The following LAIR2 variants were observed in gnomAD, a reference collection of about 807,000 sequenced individuals.
LAIR2 encodes leukocyte associated immunoglobulin like receptor 2.
In LAIR2, 14 loss-of-function variants were observed where a neutral mutation model predicts 14.8. The ratio of observed to expected loss-of-function variants is 0.95; its 90% CI spans 0.62 to 1.48. The LOEUF (loss-of-function observed/expected upper bound fraction) is 1.48, where lower values mean the gene tolerates loss of function less well. Among genes scored for constraint, LAIR2 ranks in the 40% most tolerant of loss-of-function variants. The pLI is 0.00. For synonymous variants in LAIR2, 75 were observed against 74.5 expected, an observed-to-expected ratio of 1.01 and a Z score of -0.03; for missense variants, 172 against 180.9, an observed-to-expected ratio of 0.95 and a Z score of 0.28.
At position 54,502,971 on chromosome 19, in the gene LAIR2, G is replaced by C. The variant is rs775366718; in HGVS notation, c.34+19G>C. The C allele has an allele frequency of 7.3e-5, 117 of 1,606,636 alleles. No individual in the cohort carries two copies. Among genetic ancestry groups the C allele is most frequent in the South Asian group, 2.9e-4 (26 of 90,372 alleles). On this transcript the variant is annotated intron_variant, in intron 1 of 4. Transcript: ENST00000301202. Reference sequence around the variant, plus strand: ...GGCCTAGGTGAGTCCTGGAGGGAGCGGGAAGGACTGGAAAGGGGGTCGGGA... The same window carrying C: ...GGCCTAGGTGAGTCCTGGAGGGAGCCGGAAGGACTGGAAAGGGGGTCGGGA...
In LAIR2 at chr19:54,508,451, T is replaced by C. The variant is rs538907438; in HGVS notation, c.364+267T>C. Among the ~76,000 whole-genome samples the C allele has an allele frequency of 1.2e-3, 176 of 152,336 alleles. 2 individuals carry two copies. The highest frequency in any genetic ancestry group is 4.1e-3 in the African/African-American group (172 of 41,584). On this transcript the variant is annotated intron_variant, in intron 3 of 4. Transcript: ENST00000301202. ...AGCATTGGGTTGGCTCAGAGCTGGC[T>C]CTGCTTGGCTGGGTGGGGAGTGGGT...
chr19:54,509,885 G>A (rs1295074443), intron 4 of LAIR2, among the ~76,000 whole-genome samples: 1 of 150,992 alleles, frequency 6.6e-6, no homozygotes, highest in Non-Finnish European at 1.5e-5. Flanking sequence ...GGAGGACACG[G>A]GGTCATAAGC....
intron 1 of LAIR2, 128 bp downstream of exon 1, chr19:54,503,080 C>T: frequency 1.2e-6 from 1 of 860,428 alleles, no homozygotes; most frequent in Non-Finnish European, 1.9e-6. Flanking sequence ...CAAGACTGCC[C>T]TACTGCTCTC....
At chr19:54,507,180 C>G (rs990628731) in intron 2 of LAIR2, among the ~76,000 whole-genome samples, 2 of 151,024 alleles carry the variant, frequency 1.3e-5, no homozygotes, top group Non-Finnish European at 3.0e-5. Flanking sequence ...CCCGCCCTTC[C>G]TCCTCCACCC....
chr19:54,503,886 C>T, intron 2 of LAIR2, 151 bp downstream of exon 2: 1 of 926,636 alleles, frequency 1.1e-6, no homozygotes, highest in Admixed American at 2.5e-5. Flanking sequence ...AATGCATAAC[C>T]CTCACCCCTT....
chr19:54,503,070 C>T (rs2085304263), intron 1 of LAIR2, 118 bp downstream of exon 1: 1 of 935,160 alleles, frequency 1.1e-6, no homozygotes, highest in Non-Finnish European at 1.7e-6. Flanking sequence ...CTCCTCCCCC[C>T]AAGACTGCCC....
chr19:54,502,843 AG>A lies in LAIR2; in HGVS notation c.-75del. Reference sequence around the variant, plus strand: ...TCTTGTGTGAGGCAGTTGCTGTGGAAGCCCCACGGGCAGGAGGCCCCCGGCC... The same window carrying A: ...TCTTGTGTGAGGCAGTTGCTGTGGAACCCCACGGGCAGGAGGCCCCCGGCC... On this transcript the variant is annotated 5_prime_UTR_variant, in exon 1 of 5. Coordinates refer to ENST00000301202, the MANE Select transcript of LAIR2 (RefSeq NM_002288.6). 1 of 1,580,594 alleles carries A rather than the reference AG, an allele frequency of 6.3e-7. No homozygotes were observed. The highest frequency in any genetic ancestry group is 1.1e-5 in the South Asian group (1 of 90,420).
chr19:54,509,778 GC>G (rs1294059171), intron 4 of LAIR2, among the ~76,000 whole-genome samples: 3 of 151,662 alleles, frequency 2.0e-5, no homozygotes, highest in Non-Finnish European at 4.4e-5. Flanking sequence ...CTCTGGCTCT[GC>G]CCCTGGACTC....
At chr19:54,506,199 ACGT>A (rs1279404046) in intron 2 of LAIR2, among the ~76,000 whole-genome samples, 1 of 152,090 alleles carries the variant, frequency 6.6e-6, no homozygotes, top group Non-Finnish European at 1.5e-5. Flanking sequence ...GTCCAATATG[ACGT>A]TGTGGACTCT....
chr19:54,505,058 A>G (rs2085340302), intron 2 of LAIR2, among the ~76,000 whole-genome samples: 1 of 151,310 alleles, frequency 6.6e-6, no homozygotes, highest in African/African-American at 2.5e-5. Flanking sequence ...TCCATTGCAT[A>G]TATACACCAC....
chr19:54,502,847 C>T lies in LAIR2; in HGVS notation c.-72C>T. The T allele has an allele frequency of 1.3e-6, 2 of 1,596,490 alleles. No homozygotes were observed. Among genetic ancestry groups the T allele is most frequent in the Non-Finnish European group, 1.7e-6 (2 of 1,163,996 alleles). ...GTGTGAGGCAGTTGCTGTGGAAGCC[C>T]CACGGGCAGGAGGCCCCCGGCCAGC... On this transcript the variant is annotated 5_prime_UTR_variant, in exon 1 of 5. Coordinates refer to ENST00000301202, the MANE Select transcript of LAIR2 (RefSeq NM_002288.6).
chr19:54,504,735 G>A (rs1475532396), intron 2 of LAIR2, among the ~76,000 whole-genome samples: 3 of 152,030 alleles, frequency 2.0e-5, no homozygotes, highest in African/African-American at 4.8e-5. Flanking sequence ...TCAGCCTCTC[G>A]AGTAGCTGGG....
At chr19:54,503,880 C>A in intron 2 of LAIR2, 145 bp downstream of exon 2, 1 of 995,964 alleles carries the variant, frequency 1.0e-6, no homozygotes, top group South Asian at 1.5e-5. Context: ...ATGTAAAATG[C>A]ATAACCCTCA....
intron 2 of LAIR2, among the ~76,000 whole-genome samples, chr19:54,505,733 G>A (rs2085353925): frequency 6.6e-6 from 1 of 151,806 alleles, no homozygotes; most frequent in African/African-American, 2.4e-5. Context: ...GTGACCTGGG[G>A]CTCACTCATC....
intron 1 of LAIR2, 50 bp from the exon 2 acceptor site, chr19:54,503,650 G>A: frequency 3.1e-6 from 5 of 1,613,592 alleles, no homozygotes; most frequent in African/African-American, 2.7e-5. Context: ...CAGCAGCCCT[G>A]TAAGGAGACT....
intron 2 of LAIR2, among the ~76,000 whole-genome samples, chr19:54,506,333 ACAT>A (rs1362991252): frequency 6.6e-6 from 1 of 152,204 alleles, no homozygotes; most frequent in African/African-American, 2.4e-5. Context: ...ATAATGTAAT[ACAT>A]TGTTATTAAC....
rs1015726585 is a variant in LAIR2, at chr19:54,503,847, C to A, written c.70+112C>A. The A allele has an allele frequency of 6.1e-6, 8 of 1,317,494 alleles. No individual in the cohort carries two copies. The African/African-American group carries it at 1.2e-4, about 19-fold the overall frequency. 81.6% of individuals were successfully genotyped at this position (1,317,494 alleles called of 1,614,324 possible). ...GCCTGGAGAGATCCCTTTAAATATA[C>A]CCTAGATTGCAAACTATTCCAAATG... On this transcript the variant is annotated intron_variant, in intron 2 of 4. Transcript: ENST00000301202.
Position 54,503,706 on chromosome 19 carries a change from G to C in LAIR2, c.41G>C (p.Cys14Ser). The change falls in exon 2 of 5, where the codon TGC (cysteine) becomes TCC (serine). Residue 14 changes from cysteine to serine, a missense_variant. Coordinates refer to ENST00000301202, the MANE Select transcript of LAIR2 (RefSeq NM_002288.6). Reference protein sequence around the residue: ...HLTALLGLVLCLAQTIHTQEG... With the variant: ...HLTALLGLVLSLAQTIHTQEG... ...ACTGGGGCTTCTCTTCCAGTGCTCT[G>C]CCTGGCCCAGACCATCCACACGCAG... 1.2e-6 allele frequency: 2 copies of C among 1,613,978 alleles called. No individual in the cohort carries two copies. The highest frequency in any genetic ancestry group is 1.7e-6 in the Non-Finnish European group (2 of 1,179,958).
intron 4 of LAIR2, among the ~76,000 whole-genome samples, chr19:54,509,877 AGGACAC>A (rs201589829): frequency 0.031 from 4,754 of 151,462 alleles, 276 homozygotes; most frequent in Admixed American, 0.11. Context: ...CTGCCAGGGG[AGGACAC>A]GGGGTCATAA....
Sources: allele counts gnomAD v4.1 joint callset (sites outside exome capture counted in the v4.1 genomes callset), GRCh38; gene constraint gnomAD v4.1.1; transcripts MANE v1.5; gene names NCBI Gene and HGNC (gene_info 2026-07-23, HGNC 2026-07-21).